ARHGAP45: variants seen among roughly 807,000 people sequenced by gnomAD.
ARHGAP45 encodes the protein Rho GTPase activating protein 45.
A neutral mutation model predicts 116.1 loss-of-function variants in ARHGAP45; 56 were observed. The ratio of observed to expected loss-of-function variants is 0.48; its 90% CI spans 0.39 to 0.60. The LOEUF is 0.60. ARHGAP45 is among the 20% of genes least tolerant of loss of function. The probability of loss-of-function intolerance (pLI) is 0.00; values close to 1 mark genes in which losing one functional copy is unlikely to be tolerated. For synonymous variants in ARHGAP45, 866 were observed against 701.7 expected (o/e 1.23, Z -3.70); for missense variants, 1,622 against 1,601.0 (o/e 1.01, Z -0.22).
rs148437421 is a variant in ARHGAP45, at chr19:1,073,267, C to T, written c.540C>T (p.Ala180=). The T allele has an allele frequency of 6.0e-5, 97 of 1,613,588 alleles. No homozygotes were observed. In the African/African-American group the frequency reaches 8.1e-4, roughly 14 times the overall value. ...LLNTVETLTA[A]GTLIAKVKAF... Reference sequence around the variant, plus strand: ...ACACCGTGGAGACGCTCACCGCAGCCGGCACCCTCATTGCCAAGGTCAAAG... The same window carrying T: ...ACACCGTGGAGACGCTCACCGCAGCTGGCACCCTCATTGCCAAGGTCAAAG... Residue 180 remains alanine, a synonymous_variant, in exon 3 of 23, where the codon GCC becomes GCT. Transcript: ENST00000313093.
intron 2 of ARHGAP45, 69 bp from the exon 3 acceptor site, chr19:1,073,080 G>A (rs2043169422): frequency 1.3e-6 from 2 of 1,504,966 alleles, no homozygotes; most frequent in African/African-American, 1.4e-5. Flanking sequence ...CTCTAAAGAG[G>A]GAGGAGGTGG....
In ARHGAP45 at chr19:1,079,777, C is replaced by T. The variant is rs766176590; in HGVS notation, c.1449C>T (p.Thr483=). The change falls in exon 12 of 23, where the codon ACC becomes ACT. Residue 483 remains threonine, a synonymous_variant. Coordinates refer to ENST00000313093, the MANE Select transcript of ARHGAP45 (RefSeq NM_012292.5). ...CGCAGAAGCAGGAGCTGGAGGATAC[C>T]AAGGTGACGGCGCTGCGGCAGATCC... The part of the protein sequence containing the change: ...AKTQKQELED[T]KVTALRQIQE... 2 of 1,611,894 alleles carry T rather than the reference C, an allele frequency of 1.2e-6. No individual in the cohort carries two copies. The highest frequency in any genetic ancestry group is 2.2e-5 in the South Asian group (2 of 91,044).
Position 1,086,367 on chromosome 19 carries a change from C to T in ARHGAP45, c.*361C>T, listed in dbSNP as rs955392346. On this transcript the variant is annotated 3_prime_UTR_variant, in exon 23 of 23. Transcript: ENST00000313093. ...CATCACGGGGACGCAGGAGGCAGGC[C>T]CTGCCCTGCCCTCTCCTCACAGGTC... The T allele has an allele frequency of 4.1e-6, 1 of 241,580 alleles. No individual in the cohort carries two copies. The highest frequency in any genetic ancestry group is 2.3e-5 in the African/African-American group (1 of 44,256). The allele number at this position is 241,580 out of a possible 1,614,324, so 15.0% of individuals were successfully genotyped here. A position where few individuals can be genotyped will look rare whatever the true frequency, so the allele number is the denominator to read the frequency against.
chr19:1,075,034 C>CCCT (rs1555706894), intron 10 of ARHGAP45, among the ~76,000 whole-genome samples, 155 bp downstream of exon 10: 4 of 137,052 alleles, frequency 2.9e-5, no homozygotes, highest in African/African-American at 1.0e-4. Context: ...GCCGCCCCCC[C>CCCT]CAACGCCAAG....
intron 3 of ARHGAP45, 30 bp from the exon 4 acceptor site, chr19:1,073,476 C>G: frequency 6.2e-7 from 1 of 1,606,214 alleles, no homozygotes; most frequent in Non-Finnish European, 8.5e-7. Flanking sequence ...AGAGTGGGCC[C>G]ACCTCCTTGT....
intron 19 of ARHGAP45, among the ~76,000 whole-genome samples, chr19:1,082,312 C>T (rs1012104153): frequency 2.0e-5 from 3 of 149,422 alleles, no homozygotes; most frequent in African/African-American, 7.4e-5. Flanking sequence ...GGGGCGTGGC[C>T]AGAGCAAGAT....
At chr19:1,070,489 C>A (rs1183370855) in intron 2 of ARHGAP45, among the ~76,000 whole-genome samples, 2 of 147,630 alleles carry the variant, frequency 1.4e-5, no homozygotes, top group Non-Finnish European at 3.0e-5. Context: ...CGCCACCGTG[C>A]CCGGCTAATT....
chr19:1,073,976 G>A lies in ARHGAP45; in HGVS notation c.752G>A (p.Ser251Asn). The change falls in exon 6 of 23, where the codon AGT becomes AAT. Residue 251 changes from serine (S) to asparagine (N), a missense_variant. Physicochemically the swap from Ser to Asn is conservative, Grantham distance 46. This residue lies in a region of ARHGAP45 where 1,334 missense variants were observed against 1,263.8 expected (regional missense o/e 1.06). Coordinates refer to ENST00000313093, the MANE Select transcript of ARHGAP45 (RefSeq NM_012292.5). ...ATGGAAAGCCTGTATGGACCGGGCA[G>A]TGAGGGCACGCCTCCCAGCCTGGAA... ...QSMESLYGPG[S>N]EGTPPSLEDC... 2 of 1,589,326 alleles carry A rather than the reference G, an allele frequency of 1.3e-6. No individual in the cohort carries two copies. Among genetic ancestry groups the A allele is most frequent in the Non-Finnish European group, 1.7e-6 (2 of 1,168,674 alleles).
Position 1,074,409 on chromosome 19 carries a change from TG to T in ARHGAP45, c.993+7del. 1.3e-6 allele frequency: 2 copies of T among 1,547,152 alleles called. No individual in the cohort carries two copies. Among genetic ancestry groups the T allele is most frequent in the Non-Finnish European group, 1.7e-6 (2 of 1,145,266 alleles). ...TGCAGACAGAGCGTCATGCAGGAGG[TG>T]GGGGCCCCGCGGGCACGGGGCGGGG... On this transcript the variant is annotated splice_donor_region_variant and intron_variant, in intron 8 of 22. Transcript: ENST00000313093.
chr19:1,079,790 C>A lies in ARHGAP45; in HGVS notation c.1462C>A (p.Leu488Met). The stretch of plus-strand genomic sequence containing the variant: ...GCTGGAGGATACCAAGGTGACGGCG[C>A]TGCGGCAGATCCAGGAGGTCATCCG... The part of the protein sequence containing the change: ...QELEDTKVTA[L>M]RQIQEVIRQS... Residue 488 changes from leucine (L) to methionine (M), a missense_variant, in exon 12 of 23, where the codon CTG becomes ATG. Leu to Met is a conservative substitution (Grantham distance 15). This residue lies in a region of ARHGAP45 where 1,334 missense variants were observed against 1,263.8 expected (regional missense o/e 1.06). Coordinates refer to ENST00000313093, the MANE Select transcript of ARHGAP45 (RefSeq NM_012292.5). 1 of 1,611,172 alleles carries A rather than the reference C, an allele frequency of 6.2e-7. No homozygotes were observed. The highest frequency in any genetic ancestry group is 8.5e-7 in the Non-Finnish European group (1 of 1,178,482).
chr19:1,070,329 CT>C (rs1172163710), intron 2 of ARHGAP45, among the ~76,000 whole-genome samples: 3,371 of 93,050 alleles, frequency 0.036, 117 homozygotes, highest in African/African-American at 0.13. Flanking sequence ...CTTTTCTTTT[CT>C]TTTTTTTTTT....
chr19:1,074,071 G>C (rs771489626), intron 6 of ARHGAP45, 33 bp from the exon 7 acceptor site: 1 of 1,606,852 alleles, frequency 6.2e-7, no homozygotes, highest in South Asian at 1.1e-5. Flanking sequence ...TGCGCGGGTC[G>C]GGCCAGGCTG....
At position 1,074,255 on chromosome 19, in the gene ARHGAP45, T is replaced by C. The variant is rs1200236044; in HGVS notation, c.928+14T>C. 6.2e-7 allele frequency: 1 copy of C among 1,612,242 alleles called. No individual in the cohort carries two copies. Among genetic ancestry groups the C allele is most frequent in the Non-Finnish European group, 8.5e-7 (1 of 1,179,496 alleles). On this transcript the variant is annotated intron_variant, in intron 7 of 22. Transcript: ENST00000313093. Reference sequence around the variant, plus strand: ...GGACGACGCTGGGTGAGAGCTGGTGTCCCAGCAGGGTGGGTCTGGAGGGAG... The same window carrying C: ...GGACGACGCTGGGTGAGAGCTGGTGCCCCAGCAGGGTGGGTCTGGAGGGAG...
Position 1,074,891 on chromosome 19 carries a change from G to A in ARHGAP45, c.1185+12G>A. 1.4e-6 allele frequency: 2 copies of A among 1,444,714 alleles called. No individual in the cohort carries two copies. Among genetic ancestry groups the A allele is most frequent in the East Asian group, 2.6e-5 (1 of 39,168 alleles). 89.5% of individuals were successfully genotyped at this position (1,444,714 alleles called of 1,614,324 possible). On this transcript the variant is annotated intron_variant, in intron 10 of 22. Transcript: ENST00000313093. ...CCCAGAGGAAGCTGGTGAGGCGGGC[G>A]GGCGGGGGCGGGCGGGGGCGGGCAG...
chr19:1,082,037 G>C lies in ARHGAP45; in HGVS notation c.2517+76G>C, dbSNP rs984627477. ...GCAGGAGGAGGCGGGGTGGGGGTCCGGGAGCTGGAGCAGGACTGAGCTGGA... is the reference window on the plus strand; with the variant it reads ...GCAGGAGGAGGCGGGGTGGGGGTCCCGGAGCTGGAGCAGGACTGAGCTGGA... On this transcript the variant is annotated intron_variant, in intron 19 of 22. Transcript: ENST00000313093. 7 of 1,517,914 alleles carry C rather than the reference G, an allele frequency of 4.6e-6. No individual in the cohort carries two copies. In the Admixed American group the frequency reaches 5.6e-5, roughly 12 times the overall value. 94.0% of individuals were successfully genotyped at this position (1,517,914 alleles called of 1,614,324 possible).
intron 10 of ARHGAP45, among the ~76,000 whole-genome samples, chr19:1,075,279 A>G (rs1293737415): frequency 7.6e-6 from 1 of 131,922 alleles, no homozygotes; most frequent in East Asian, 2.2e-4. Context: ...TCTGTCGCCC[A>G]GGCTGCAGGC....
Position 1,073,735 on chromosome 19 carries a change from G to C in ARHGAP45, c.712G>C (p.Asp238His). The C allele has an allele frequency of 6.3e-7, 1 of 1,593,148 alleles. No homozygotes were observed. Among genetic ancestry groups the C allele is most frequent in the South Asian group, 1.1e-5 (1 of 88,320 alleles). Residue 238 changes from aspartate to histidine, a missense_variant, in exon 5 of 23, where the codon GAC becomes CAC. By Grantham distance (81) the Asp-to-His change is moderately conservative. Coordinates refer to ENST00000313093, the MANE Select transcript of ARHGAP45 (RefSeq NM_012292.5). ...SSTLLAVPPG[D>H]SSQSMESLYG... The stretch of plus-strand genomic sequence containing the variant: ...CACCCTCCTAGCAGTGCCTCCTGGG[G>C]ACTCGAGCCAGGTGAGTGGGGTGGG...
rs769156014 is a variant in ARHGAP45, at chr19:1,073,792, C to T, written c.723+46C>T. On this transcript the variant is annotated intron_variant, in intron 5 of 22. Coordinates refer to ENST00000313093, the MANE Select transcript of ARHGAP45 (RefSeq NM_012292.5). ...CCACCTGTGTCCAGCTTCTGGAGGCCAGCCGGGTTCAGGTCTGCAGGGCCC... is the reference window on the plus strand; with the variant it reads ...CCACCTGTGTCCAGCTTCTGGAGGCTAGCCGGGTTCAGGTCTGCAGGGCCC... 7 of 1,549,916 alleles carry T rather than the reference C, an allele frequency of 4.5e-6. No homozygotes were observed. The South Asian group carries it at 4.7e-5, about 10-fold the overall frequency.
At position 1,084,352 on chromosome 19, in the gene ARHGAP45, T is replaced by C. The variant is rs760208602; in HGVS notation, c.3064+6T>C. 1.9e-6 allele frequency: 3 copies of C among 1,600,116 alleles called. No individual in the cohort carries two copies. The highest frequency in any genetic ancestry group is 1.7e-6 in the Non-Finnish European group (2 of 1,174,256). Reference sequence around the variant, plus strand: ...GGCGGCGGACGGGTGCAGAGGTGAGTGTGTGGCTGCCCGAACGGCCCCAAG... The same window carrying C: ...GGCGGCGGACGGGTGCAGAGGTGAGCGTGTGGCTGCCCGAACGGCCCCAAG... On this transcript the variant is annotated splice_donor_region_variant and intron_variant, in intron 22 of 22. Coordinates refer to ENST00000313093, the MANE Select transcript of ARHGAP45 (RefSeq NM_012292.5).
Sources: gnomAD v4.1 joint callset for allele counts (sites outside exome capture counted in the v4.1 genomes callset) on GRCh38, gnomAD v4.1.1 for gene constraint, gnomAD v4.1.1 regional missense constraint, MANE v1.5 for transcripts, NCBI Gene and HGNC (gene_info 2026-07-23, HGNC 2026-07-21) for gene names.